The following EPM2A variants were observed in gnomAD, a reference collection of about 807,000 sequenced individuals.
The protein encoded by EPM2A is EPM2A glucan phosphatase, laforin.
A neutral mutation model predicts 26.5 loss-of-function variants in EPM2A; 21 were observed. The observed-to-expected ratio is 0.79, with a 90% CI of 0.56 to 1.14. EPM2A has a LOEUF of 1.14. EPM2A is among the 50% of genes most tolerant of loss of function. The pLI is 0.00. For synonymous variants in EPM2A, 217 were observed against 177.6 expected (o/e 1.22, Z -1.76); for missense variants, 458 against 440.8 (o/e 1.04, Z -0.35).
intron 1 of EPM2A, among the ~76,000 whole-genome samples, chr6:145,704,643 T>G (rs1782113752): frequency 6.6e-6 from 1 of 152,188 alleles, no homozygotes; most frequent in Non-Finnish European, 1.5e-5. Flanking sequence ...CTCAGTTCAC[T>G]GCTGTTCACA....
chr6:145,712,667 T>C (rs1775400057), intron 1 of EPM2A, among the ~76,000 whole-genome samples: 2 of 152,212 alleles, frequency 1.3e-5, no homozygotes, highest in South Asian at 2.1e-4. Flanking sequence ...CTGCTTATTA[T>C]GAGTGTTTTG....
intron 2 of EPM2A, among the ~76,000 whole-genome samples, chr6:145,652,699 G>T (rs1159028851): frequency 6.6e-6 from 1 of 151,534 alleles, no homozygotes; most frequent in African/African-American, 2.4e-5. Context: ...TATTTTCATG[G>T]GTACATGAAC....
At chr6:145,547,519 T>C (rs912806529) in intron 2 of EPM2A, among the ~76,000 whole-genome samples, 3 of 152,130 alleles carry the variant, frequency 2.0e-5, no homozygotes, top group Non-Finnish European at 4.4e-5. Flanking sequence ...TGGGTGTACA[T>C]GGAAGCACAT....
At position 145,561,108 on chromosome 6, in the gene EPM2A, T is replaced by C. The variant is rs1176603855; in HGVS notation, c.341-58533A>G. Among the ~76,000 whole-genome samples the C allele has an allele frequency of 3.3e-5, 5 of 151,980 alleles. No homozygotes were observed. In the East Asian group the frequency reaches 7.7e-4, roughly 23 times the overall value. On this transcript the variant is annotated intron_variant, in intron 2 of 3. Transcript: ENST00000450221. ...GGGGCAGTCCTGCAAGCTCCATTTATGGTAAGTGTCCTATACAGCTATAAC... is the reference window on the plus strand; with the variant it reads ...GGGGCAGTCCTGCAAGCTCCATTTACGGTAAGTGTCCTATACAGCTATAAC...
At chr6:145,683,897 G>C (rs1437253114) in intron 2 of EPM2A, among the ~76,000 whole-genome samples, 1 of 151,852 alleles carries the variant, frequency 6.6e-6, no homozygotes, top group African/African-American at 2.4e-5. Flanking sequence ...CTTTCACATA[G>C]TAAATATGAA....
intron 1 of EPM2A, among the ~76,000 whole-genome samples, chr6:145,728,611 C>A (rs964839115): frequency 6.6e-6 from 1 of 152,170 alleles, no homozygotes; most frequent in Non-Finnish European, 1.5e-5. Context: ...AAGGTGTGGT[C>A]TGGCTGCTTC....
rs542707580 is a variant in EPM2A at position 145,446,656 on chromosome 6, T to C, written c.555+55866A>G. ...CTTGGCAGGATTACTTTTTTCTCTC[T>C]CTCTCTGGAAACCTTGATCCTGCCA... is the stretch of plus-strand genomic sequence containing the variant. On this transcript the variant is annotated intron_variant, in intron 4 of 4. Transcript: ENST00000638717. Among the ~76,000 whole-genome samples, 24 of 152,196 alleles carry C rather than the reference T, an allele frequency of 1.6e-4. No homozygotes were observed. In the South Asian group the frequency reaches 4.4e-3, roughly 28 times the overall value.
intron 4 of EPM2A, among the ~76,000 whole-genome samples, chr6:145,466,171 CA>C (rs201248621): frequency 0.61 from 89,220 of 145,162 alleles, 27,249 homozygotes; most frequent in East Asian, 0.82. Context: ...TTCTGCATAG[CA>C]AAAAAAAAAA....
intron 4 of EPM2A, among the ~76,000 whole-genome samples, chr6:145,421,905 A>G (rs188323661): frequency 1.1e-3 from 172 of 150,970 alleles, no homozygotes; most frequent in African/African-American, 4.0e-3. Flanking sequence ...AAGTGAAGAT[A>G]CTAAACTATG....
rs778561494 is a variant in EPM2A at position 145,560,575 on chromosome 6, C to A, written c.341-58000G>T. Among the ~76,000 whole-genome samples, 14 of 152,102 alleles carry A rather than the reference C, an allele frequency of 9.2e-5. 1 individual carries two copies. Among genetic ancestry groups the A allele is most frequent in the Non-Finnish European group, 1.6e-4 (11 of 68,008 alleles). On this transcript the variant is annotated intron_variant, in intron 2 of 3. Transcript: ENST00000450221. The stretch of plus-strand genomic sequence containing the variant: ...ACAAGCCAGAGTTTGCTAACCCTGG[C>A]AAAATCCATATCGACATCTAAATCA...
intron 2 of EPM2A, among the ~76,000 whole-genome samples, chr6:145,619,049 G>A (rs1324285999): frequency 6.6e-6 from 1 of 152,084 alleles, no homozygotes; most frequent in Admixed American, 6.6e-5. Context: ...TGGTTAGGAG[G>A]GTGGTAAATG....
chr6:145,479,806 A>G (rs1031313830), intron 4 of EPM2A, among the ~76,000 whole-genome samples: 2 of 151,980 alleles, frequency 1.3e-5, no homozygotes, highest in Admixed American at 6.6e-5. Context: ...TGACAATCCC[A>G]TGTTTAGCGT....
chr6:145,703,637 T>C (rs1477952839), intron 1 of EPM2A, among the ~76,000 whole-genome samples: 1 of 152,224 alleles, frequency 6.6e-6, no homozygotes, highest in Non-Finnish European at 1.5e-5. Context: ...AAACTAGCAA[T>C]CCATTACGCT....
chr6:145,391,843 A>T (rs1016084104), intron 4 of EPM2A, among the ~76,000 whole-genome samples: 2 of 151,630 alleles, frequency 1.3e-5, no homozygotes, highest in Non-Finnish European at 2.9e-5. Flanking sequence ...GATCTTGGAG[A>T]CTTTATTTCT....
intron 4 of EPM2A, among the ~76,000 whole-genome samples, chr6:145,444,314 C>T (rs1118772): frequency 0.93 from 141,360 of 152,306 alleles, 65,731 homozygotes; most frequent in East Asian, 1. Flanking sequence ...TGTAAAGGAA[C>T]GTTGAATTTT....
chr6:145,470,134 C>G (rs1333660455), intron 4 of EPM2A, among the ~76,000 whole-genome samples: 1 of 151,780 alleles, frequency 6.6e-6, no homozygotes, highest in Non-Finnish European at 1.5e-5. Flanking sequence ...TGACCATGGT[C>G]AACAATAATT....
chr6:145,401,615 T>C (rs2114667148), intron 4 of EPM2A, among the ~76,000 whole-genome samples: 1 of 152,236 alleles, frequency 6.6e-6, no homozygotes, highest in Admixed American at 6.6e-5. Context: ...AGGAATGAGG[T>C]AAAATTAACC....
At chr6:145,649,571 A>G (rs1582965668) in intron 2 of EPM2A, among the ~76,000 whole-genome samples, 1 of 152,172 alleles carries the variant, frequency 6.6e-6, no homozygotes, top group East Asian at 1.9e-4. Flanking sequence ...ACAGCTCTCT[A>G]TGGGAACATT....
intron 4 of EPM2A, among the ~76,000 whole-genome samples, chr6:145,477,732 G>T (rs1032301227): frequency 6.6e-6 from 1 of 151,696 alleles, no homozygotes; most frequent in African/African-American, 2.4e-5. Flanking sequence ...ATTTACTATT[G>T]CTTCATGATG....
Sources: gnomAD v4.1 joint callset for allele counts (sites outside exome capture counted in the v4.1 genomes callset) on GRCh38, gnomAD v4.1.1 for gene constraint, MANE v1.5 for transcripts, NCBI Gene and HGNC (gene_info 2026-07-23, HGNC 2026-07-21) for gene names.